Variants in OSBPL1A observed in about 807,000 individuals in gnomAD.
OSBPL1A encodes the protein oxysterol-binding protein-related protein 1.
In OSBPL1A, 80 loss-of-function variants were observed where a neutral mutation model predicts 137.1. That is an observed-to-expected ratio of 0.58 (90% CI 0.49 to 0.70). OSBPL1A has a LOEUF of 0.70. Among genes scored for constraint, OSBPL1A ranks in the 30% least tolerant of loss-of-function variants. OSBPL1A has a pLI of 0.00. For synonymous variants in OSBPL1A, 365 were observed against 389.7 expected (o/e 0.94, Z 0.75); for missense variants, 970 against 1,129.4 (o/e 0.86, Z 2.02).
chr18:24,271,580 G>A lies in OSBPL1A; in HGVS notation c.1281+9262C>T. 1.0e-6 allele frequency: 1 copy of A among 987,156 alleles called. No homozygotes were observed. Among genetic ancestry groups the A allele is most frequent in the African/African-American group, 1.7e-5 (1 of 57,408 alleles). The allele number at this position is 987,156 out of a possible 1,614,324, so 61.1% of individuals were successfully genotyped here. A position where few individuals can be genotyped will look rare whatever the true frequency, so the allele number is the denominator to read the frequency against. On this transcript the variant is annotated intron_variant, in intron 15 of 27. Transcript: ENST00000319481. This position sits in a 1 kb window ranked among gnomAD's most constrained non-coding sequence, Gnocchi z 4.0. ...CCCCCGGCGTCCTCCGTGGCCCCAG[G>A]CTGCCCCGCAAAGCCACCGAGCTGC...
chr18:24,390,917 T>C (rs1907308260), intron 1 of OSBPL1A, among the ~76,000 whole-genome samples: 2 of 151,682 alleles, frequency 1.3e-5, no homozygotes, highest in Admixed American at 1.3e-4. Flanking sequence ...CTGGCCAACA[T>C]GGTGAAACCC....
intron 18 of OSBPL1A, among the ~76,000 whole-genome samples, chr18:24,188,217 C>G (rs1476531531): frequency 6.6e-6 from 1 of 152,174 alleles, no homozygotes; most frequent in Non-Finnish European, 1.5e-5. Flanking sequence ...GAATACTGGC[C>G]TAGGGATGCA....
chr18:24,280,971 A>T, intron 14 of OSBPL1A, 23 bp from the exon 15 acceptor site: 1 of 1,498,820 alleles, frequency 6.7e-7, no homozygotes, highest in Non-Finnish European at 9.1e-7. Flanking sequence ...AAATAAATAC[A>T]GTGAGTCGGA....
At chr18:24,225,410 A>G (rs573440378) in intron 16 of OSBPL1A, among the ~76,000 whole-genome samples, 2 of 152,348 alleles carry the variant, frequency 1.3e-5, no homozygotes, top group East Asian at 1.9e-4. Flanking sequence ...GTACACTTAC[A>G]TAAGCTTACA....
At chr18:24,397,042 C>T (rs1196855717) in intron 1 of OSBPL1A, among the ~76,000 whole-genome samples, 1 of 152,208 alleles carries the variant, frequency 6.6e-6, no homozygotes, top group African/African-American at 2.4e-5. Context: ...TGCCTAAAAA[C>T]GACAACTTGA....
At chr18:24,257,902 T>C (rs11083045) in intron 15 of OSBPL1A, among the ~76,000 whole-genome samples, 41,926 of 152,040 alleles carry the variant, frequency 0.28, 6,980 homozygotes, top group Middle Eastern at 0.42. Flanking sequence ...ATTAGAGAAA[T>C]GCAAATCAAA....
intron 15 of OSBPL1A, among the ~76,000 whole-genome samples, chr18:24,258,120 T>G (rs2089336030): frequency 2.0e-5 from 3 of 152,192 alleles, no homozygotes; most frequent in African/African-American, 7.2e-5. Flanking sequence ...CTGCTAGGTA[T>G]ATTCCCAAAA....
intron 5 of OSBPL1A, among the ~76,000 whole-genome samples, chr18:24,336,905 G>C (rs975528839): frequency 2.0e-5 from 3 of 152,182 alleles, no homozygotes; most frequent in Non-Finnish European, 4.4e-5. Flanking sequence ...CTGAGTAGAA[G>C]TTTAGTGGTA....
intron 9 of OSBPL1A, 33 bp downstream of exon 9, chr18:24,318,566 TAC>T (rs1284528873): frequency 3.2e-6 from 5 of 1,540,858 alleles, no homozygotes; most frequent in Non-Finnish European, 4.4e-6. Context: ...AATTATTCTT[TAC>T]AGTTATATAA....
At chr18:24,164,420 G>GGTTTTTTTTTTTTTTT (rs199563115) in intron 27 of OSBPL1A, among the ~76,000 whole-genome samples, 2 of 95,970 alleles carry the variant, frequency 2.1e-5, no homozygotes. Context: ...GAGATTTTTG[G>GGTTTTTTTTTTTTTTT]TTTTTTTTTT....
chr18:24,187,447 G>C (rs12964425), intron 18 of OSBPL1A, among the ~76,000 whole-genome samples: 407 of 152,226 alleles, frequency 2.7e-3, no homozygotes, highest in Non-Finnish European at 4.5e-3. Context: ...TGAGCTCTGA[G>C]ATCAAACTTC....
At chr18:24,266,251 T>G (rs894028660) in intron 15 of OSBPL1A, among the ~76,000 whole-genome samples, 1 of 152,214 alleles carries the variant, frequency 6.6e-6, no homozygotes. Flanking sequence ...TCCCTGGCTC[T>G]GTCTTCAGCT....
At chr18:24,210,518 T>A (rs778268190) in intron 17 of OSBPL1A, among the ~76,000 whole-genome samples, 80 of 145,544 alleles carry the variant, frequency 5.5e-4, no homozygotes, top group Non-Finnish European at 1.0e-3. Flanking sequence ...CTTTCATTTA[T>A]CTCTCCTTTT....
At chr18:24,353,554 C>A (rs1449345194) in intron 4 of OSBPL1A, among the ~76,000 whole-genome samples, 2 of 151,594 alleles carry the variant, frequency 1.3e-5, no homozygotes, top group Non-Finnish European at 2.9e-5. Flanking sequence ...TTGACCCAGC[C>A]ATCCCATTAC....
chr18:24,196,290 G>A lies in OSBPL1A; in HGVS notation c.1602-90C>T, dbSNP rs574078213. On this transcript the variant is annotated intron_variant, in intron 17 of 27. Transcript: ENST00000319481. ...GCTTTCATTCACATGAGAGCTGCAG[G>A]CACAGAAAGACCCTTTAAAAATGTG... The A allele has an allele frequency of 2.5e-4, 213 of 856,746 alleles. 1 individual carries two copies. The highest frequency in any genetic ancestry group is 2.4e-3 in the South Asian group (162 of 66,592). 53.1% of individuals were successfully genotyped at this position (856,746 alleles called of 1,614,324 possible).
intron 18 of OSBPL1A, among the ~76,000 whole-genome samples, chr18:24,187,315 T>C (rs2086776957): frequency 6.6e-6 from 1 of 152,076 alleles, no homozygotes; most frequent in Non-Finnish European, 1.5e-5. Context: ...TGGACAGTGG[T>C]GATGGTAGCA....
intron 1 of OSBPL1A, among the ~76,000 whole-genome samples, chr18:24,386,588 A>G (rs1906975398): frequency 6.6e-6 from 1 of 152,180 alleles, no homozygotes; most frequent in African/African-American, 2.4e-5. Context: ...ATAATCTTTT[A>G]TAACTTTAGA....
intron 27 of OSBPL1A, among the ~76,000 whole-genome samples, chr18:24,164,808 A>G (rs914491653): frequency 6.6e-5 from 10 of 152,254 alleles, no homozygotes; most frequent in South Asian, 2.1e-4. Context: ...AAGTCAATGT[A>G]TCAAAGGGAT....
chr18:24,387,537 G>T (rs1907032679), intron 1 of OSBPL1A, among the ~76,000 whole-genome samples: 1 of 151,972 alleles, frequency 6.6e-6, no homozygotes, highest in Non-Finnish European at 1.5e-5. Context: ...TACAAAGAAA[G>T]AAACTACTAA....
Sources: allele counts gnomAD v4.1 joint callset (sites outside exome capture counted in the v4.1 genomes callset), GRCh38; gene constraint gnomAD v4.1.1; non-coding constraint Gnocchi (gnomAD v3.1); transcripts MANE v1.5; gene names NCBI Gene and HGNC (gene_info 2026-07-23, HGNC 2026-07-21).